The following EFNA5 variants were observed in gnomAD, a reference collection of about 807,000 sequenced individuals.
EFNA5 encodes the protein ephrin-A5.
A neutral mutation model predicts 22.9 loss-of-function variants in EFNA5; 5 were observed. That is an observed-to-expected ratio of 0.22 (90% CI 0.11 to 0.46). The LOEUF (loss-of-function observed/expected upper bound fraction) is 0.46. EFNA5 is among the 20% of genes least tolerant of loss of function. The probability of loss-of-function intolerance (pLI) is 0.99; values close to 1 mark genes in which losing one functional copy is unlikely to be tolerated. For missense variants in EFNA5, 237 were observed against 293.3 expected (o/e 0.81, Z 1.40); for synonymous variants, 113 against 112.2 (o/e 1.01, Z -0.04).
At chr5:107,545,161 G>A (rs1748120442) in intron 1 of EFNA5, among the ~76,000 whole-genome samples, 1 of 152,242 alleles carries the variant, frequency 6.6e-6, no homozygotes, top group South Asian at 2.1e-4. Flanking sequence ...TTAAAGATGT[G>A]TGTGAAAGCC....
intron 2 of EFNA5, among the ~76,000 whole-genome samples, chr5:107,424,873 A>G (rs1302076664): frequency 6.6e-6 from 1 of 152,212 alleles, no homozygotes; most frequent in Non-Finnish European, 1.5e-5. Context: ...CATTACTAAA[A>G]AGACAGGGAA....
chr5:107,435,592 A>T (rs184157614), intron 1 of EFNA5, among the ~76,000 whole-genome samples: 71 of 152,282 alleles, frequency 4.7e-4, no homozygotes, highest in Admixed American at 9.8e-4. Flanking sequence ...GAGACCTTAT[A>T]TGATGACCAA....
chr5:107,546,670 ACACACACACACACACACT>A (rs1247689396), intron 1 of EFNA5, among the ~76,000 whole-genome samples: 1 of 123,450 alleles, frequency 8.1e-6, no homozygotes, highest in Admixed American at 8.5e-5. Context: ...ACACACACAC[ACACACACACACACACACT>A]CTCACCCCTG....
At chr5:107,634,888 G>C (rs1031061529) in intron 1 of EFNA5, among the ~76,000 whole-genome samples, 12 of 152,152 alleles carry the variant, frequency 7.9e-5, no homozygotes, top group African/African-American at 2.9e-4. Flanking sequence ...CTAGATACCA[G>C]TAAGGATGTT....
At chr5:107,496,217 C>T (rs1746978339) in intron 1 of EFNA5, among the ~76,000 whole-genome samples, 1 of 148,008 alleles carries the variant, frequency 6.8e-6, no homozygotes, top group Non-Finnish European at 1.5e-5. Flanking sequence ...TGGTGGCAGG[C>T]ACCTGTAATC....
At chr5:107,570,659 G>T (rs972388972) in intron 1 of EFNA5, among the ~76,000 whole-genome samples, 1 of 151,808 alleles carries the variant, frequency 6.6e-6, no homozygotes, top group East Asian at 1.9e-4. Flanking sequence ...GTGGGGGTGG[G>T]GGCGGGCAGG....
intron 1 of EFNA5, among the ~76,000 whole-genome samples, chr5:107,454,709 T>A (rs1749648808): frequency 6.6e-6 from 1 of 152,182 alleles, no homozygotes; most frequent in African/African-American, 2.4e-5. Flanking sequence ...CCTGTGAGAA[T>A]GTAAAATGTA....
At chr5:107,585,756 GA>G (rs1749174849) in intron 1 of EFNA5, among the ~76,000 whole-genome samples, 1 of 152,188 alleles carries the variant, frequency 6.6e-6, no homozygotes, top group Admixed American at 6.5e-5. Flanking sequence ...CTTTCCATGA[GA>G]GAAGTTGAAG....
At position 107,622,042 on chromosome 5, in the gene EFNA5, G is replaced by GA. The variant is rs879737225; in HGVS notation, c.125+48446dup. ...TTAACTGAATGCATAACTGCCTTAA[G>GA]AAAAAAAAAAAAGACTCAATTTTAT... On this transcript the variant is annotated intron_variant, in intron 1 of 4. Transcript: ENST00000333274. 8.2e-3 allele frequency among the ~76,000 whole-genome samples: 1,123 copies of GA among 136,668 alleles called. 9 individuals are homozygous for GA. Among genetic ancestry groups the GA allele is most frequent in the African/African-American group, 0.023 (876 of 37,632 alleles). The allele number at this position is 136,668 out of a possible 152,430, so 89.7% of individuals were successfully genotyped here. A position where few individuals can be genotyped will look rare whatever the true frequency, so the allele number is the denominator to read the frequency against.
chr5:107,559,167 C>T (rs1405894536), intron 1 of EFNA5, among the ~76,000 whole-genome samples: 1 of 152,172 alleles, frequency 6.6e-6, no homozygotes, highest in Non-Finnish European at 1.5e-5. Flanking sequence ...TTTCCTTCCC[C>T]CTACCCTGGC....
At chr5:107,444,376 CTT>C (rs756355679) in intron 1 of EFNA5, among the ~76,000 whole-genome samples, 2 of 152,230 alleles carry the variant, frequency 1.3e-5, no homozygotes, top group African/African-American at 2.4e-5. Context: ...TCCTCGCTGA[CTT>C]AACAATAATG....
chr5:107,569,467 A>T (rs1298235979), intron 1 of EFNA5, among the ~76,000 whole-genome samples: 1 of 138,708 alleles, frequency 7.2e-6, no homozygotes, highest in South Asian at 2.2e-4. Flanking sequence ...ATATATATTT[A>T]TATATATGTG....
intron 1 of EFNA5, among the ~76,000 whole-genome samples, chr5:107,655,348 GAT>G (rs1275588117): frequency 6.6e-6 from 1 of 152,086 alleles, no homozygotes. Context: ...TGTACAAAAT[GAT>G]ATAAGAGCAA....
intron 1 of EFNA5, among the ~76,000 whole-genome samples, chr5:107,638,586 T>C (rs1181338833): frequency 6.6e-6 from 1 of 152,236 alleles, no homozygotes; most frequent in African/African-American, 2.4e-5. Flanking sequence ...ACTATTTACA[T>C]AGCATCTATG....
chr5:107,378,199 T>C lies in EFNA5; in HGVS notation c.*3056A>G, dbSNP rs1035642729. The C allele has an allele frequency of 1.3e-5, 2 of 152,066 alleles. No homozygotes were observed. The highest frequency in any genetic ancestry group is 2.9e-5 in the Non-Finnish European group (2 of 68,030). The allele number at this position is 152,066 out of a possible 1,614,324, so 9.4% of individuals were successfully genotyped here. ...AATTTAAAGAACGCAGTTTTTTTTTTTTTTTTAATGTTTTACTTTTCTTTC... is the reference window on the plus strand; with the variant it reads ...AATTTAAAGAACGCAGTTTTTTTTTCTTTTTTAATGTTTTACTTTTCTTTC... On this transcript the variant is annotated 3_prime_UTR_variant, in exon 5 of 5. Coordinates refer to ENST00000333274, the MANE Select transcript of EFNA5 (RefSeq NM_001962.3).
intron 2 of EFNA5, among the ~76,000 whole-genome samples, chr5:107,405,169 C>T (rs1187225072): frequency 2.0e-5 from 3 of 152,242 alleles, no homozygotes; most frequent in Non-Finnish European, 4.4e-5. Context: ...CCTGGCCTTG[C>T]CATCTCTGAC....
intron 1 of EFNA5, among the ~76,000 whole-genome samples, chr5:107,638,896 T>C (rs1202101356): frequency 6.6e-6 from 1 of 152,224 alleles, no homozygotes; most frequent in Non-Finnish European, 1.5e-5. Context: ...TAGCTTGCTT[T>C]AGCCATTCTA....
intron 1 of EFNA5, among the ~76,000 whole-genome samples, chr5:107,495,723 A>C (rs2112419478): frequency 6.6e-6 from 1 of 152,342 alleles, no homozygotes; most frequent in East Asian, 1.9e-4. Flanking sequence ...GGAGGAAAAA[A>C]ACAAATTAAA....
At chr5:107,441,979 C>G (rs988429151) in intron 1 of EFNA5, among the ~76,000 whole-genome samples, 3 of 152,152 alleles carry the variant, frequency 2.0e-5, no homozygotes, top group Non-Finnish European at 4.4e-5. Context: ...GACTCAACAA[C>G]AGCTACAACC....
Sources: gnomAD v4.1 joint callset for allele counts (sites outside exome capture counted in the v4.1 genomes callset) on GRCh38, gnomAD v4.1.1 for gene constraint, MANE v1.5 for transcripts, NCBI Gene and HGNC (gene_info 2026-07-23, HGNC 2026-07-21) for gene names.